The following VWA8 variants were observed in gnomAD, a reference collection of about 807,000 sequenced individuals.
VWA8 encodes the protein von Willebrand factor A domain containing 8.
In VWA8, 221 loss-of-function variants were observed where a neutral mutation model predicts 241.5. The observed-to-expected ratio is 0.91, with a 90% CI of 0.82 to 1.02. The LOEUF is 1.02. Among genes scored for constraint, VWA8 ranks in the 50% least tolerant of loss-of-function variants. The pLI is 0.00. For missense variants in VWA8, 2,322 were observed against 2,328.7 expected (o/e 1.00, Z 0.06); for synonymous variants, 852 against 827.1 (o/e 1.03, Z -0.52).
intron 40 of VWA8, among the ~76,000 whole-genome samples, chr13:41,600,331 C>T (rs2044513180): frequency 6.6e-6 from 1 of 152,136 alleles, no homozygotes; most frequent in South Asian, 2.1e-4. Flanking sequence ...TATTTCTAGG[C>T]TGCACCTGGA....
At chr13:41,819,493 T>A in intron 14 of VWA8, 107 bp from the exon 15 acceptor site, 1 of 1,151,402 alleles carries the variant, frequency 8.7e-7, no homozygotes, top group Non-Finnish European at 1.2e-6. Context: ...CTGTTAATAA[T>A]GTCAATGTTA....
At chr13:41,605,115 T>A (rs1296720916) in intron 40 of VWA8, 53 bp downstream of exon 40, 6 of 1,552,530 alleles carry the variant, frequency 3.9e-6, no homozygotes. Context: ...ACTTTAGGAA[T>A]GTGTCCAGGT....
chr13:41,883,312 G>T, intron 9 of VWA8, 75 bp downstream of exon 9: 1 of 1,164,324 alleles, frequency 8.6e-7, no homozygotes, highest in Admixed American at 1.8e-5. Context: ...GGGGAAAGGA[G>T]TGAGGGGAAG....
At chr13:41,722,139 TAG>T (rs2045398068) in intron 24 of VWA8, among the ~76,000 whole-genome samples, 1 of 152,180 alleles carries the variant, frequency 6.6e-6, no homozygotes, top group South Asian at 2.1e-4. Flanking sequence ...AAGGGAGAAT[TAG>T]TAGCATCACT....
chr13:41,665,203 G>A (rs951100072), intron 37 of VWA8, among the ~76,000 whole-genome samples: 17 of 151,970 alleles, frequency 1.1e-4, no homozygotes, highest in East Asian at 1.9e-4. Context: ...GAAGAATTCC[G>A]TAGCCCAATA....
At chr13:41,627,659 C>A (rs2139672143) in intron 37 of VWA8, among the ~76,000 whole-genome samples, 1 of 152,230 alleles carries the variant, frequency 6.6e-6, no homozygotes, top group South Asian at 2.1e-4. Flanking sequence ...ACAGTGCACC[C>A]ACTGGAACCA....
At chr13:41,855,024 A>C (rs902352922) in intron 12 of VWA8, among the ~76,000 whole-genome samples, 1 of 152,186 alleles carries the variant, frequency 6.6e-6, no homozygotes, top group Non-Finnish European at 1.5e-5. Context: ...CCAGATAAAA[A>C]AGAGCACTGT....
intron 2 of VWA8, chr13:41,927,150 A>G (rs1172936097): frequency 6.9e-6 from 3 of 432,820 alleles, no homozygotes; most frequent in Non-Finnish European, 1.4e-5. Context: ...ACAGGTGATG[A>G]TGAGGCCATT....
chr13:41,615,097 A>T lies in VWA8; in HGVS notation c.4612-13T>A. 1 of 1,612,658 alleles carries T rather than the reference A, an allele frequency of 6.2e-7. No individual in the cohort carries two copies. Among genetic ancestry groups the T allele is most frequent in the East Asian group, 2.2e-5 (1 of 44,790 alleles). ...TGTTGATTGTTATCTAAAAATGAAC[A>T]ATTGAGACATTTTTACTATCCTGTG... On this transcript the variant is annotated splice_polypyrimidine_tract_variant and intron_variant, in intron 37 of 44. Transcript: ENST00000379310.
intron 35 of VWA8, among the ~76,000 whole-genome samples, chr13:41,681,140 C>T (rs1425901053): frequency 6.6e-6 from 1 of 152,204 alleles, no homozygotes; most frequent in Non-Finnish European, 1.5e-5. Flanking sequence ...CTCTCGGCTG[C>T]TCTCAGCAGG....
chr13:41,887,052 G>T, intron 6 of VWA8, 145 bp downstream of exon 6: 1 of 1,084,586 alleles, frequency 9.2e-7, no homozygotes, highest in Non-Finnish European at 1.3e-6. Context: ...AGTTTCCAGA[G>T]CTTTTCTTTA....
intron 37 of VWA8, among the ~76,000 whole-genome samples, chr13:41,653,183 T>C (rs1210735060): frequency 6.6e-6 from 1 of 152,178 alleles, no homozygotes; most frequent in African/African-American, 2.4e-5. Flanking sequence ...AATGGATGTT[T>C]TCCTTAGGGC....
intron 9 of VWA8, among the ~76,000 whole-genome samples, chr13:41,882,621 G>T (rs1874294349): frequency 6.6e-6 from 1 of 152,232 alleles, no homozygotes; most frequent in Non-Finnish European, 1.5e-5. Flanking sequence ...GGCCAACACA[G>T]CGAAACCCCG....
intron 16 of VWA8, among the ~76,000 whole-genome samples, chr13:41,811,909 T>C (rs1483880229): frequency 2.0e-5 from 3 of 152,174 alleles, no homozygotes; most frequent in Non-Finnish European, 2.9e-5. Flanking sequence ...ACGAATAGAG[T>C]TGCTAGTACA....
In VWA8 at chr13:41,866,076, G is replaced by A. The variant is rs898256722; in HGVS notation, c.1213-40C>T. The A allele has an allele frequency of 1.9e-6, 3 of 1,603,408 alleles. No individual in the cohort carries two copies. The African/African-American group carries it at 4.0e-5, about 21-fold the overall frequency. On this transcript the variant is annotated intron_variant, in intron 10 of 44. Coordinates refer to ENST00000379310, the MANE Select transcript of VWA8 (RefSeq NM_015058.2). ...AGGTCAATATAACATGGCCAGATGT[G>A]GTGGCTCACGCCTATAATCCCAACA...
chr13:41,870,405 G>C (rs1873535659), intron 9 of VWA8, among the ~76,000 whole-genome samples: 1 of 152,184 alleles, frequency 6.6e-6, no homozygotes, highest in Non-Finnish European at 1.5e-5. Context: ...TTGGGAGGCA[G>C]AGATGGGTGG....
intron 10 of VWA8, among the ~76,000 whole-genome samples, chr13:41,867,003 C>A (rs193119583): frequency 1.3e-5 from 2 of 152,078 alleles, no homozygotes; most frequent in Non-Finnish European, 2.9e-5. Context: ...ATATACCACA[C>A]GAACCAAAGA....
intron 1 of VWA8, among the ~76,000 whole-genome samples, chr13:41,950,430 G>A (rs533237960): frequency 1.0e-3 from 153 of 151,874 alleles, no homozygotes; most frequent in Non-Finnish European, 1.7e-3. Context: ...GTGCAGTGGT[G>A]CAAGCTCAGC....
chr13:41,846,186 C>T (rs1181263641), intron 12 of VWA8, among the ~76,000 whole-genome samples: 2 of 151,970 alleles, frequency 1.3e-5, no homozygotes, highest in East Asian at 1.9e-4. Context: ...CAGGTGTGTG[C>T]CACTGTGCTC....
Sources: allele counts gnomAD v4.1 joint callset (sites outside exome capture counted in the v4.1 genomes callset), GRCh38; gene constraint gnomAD v4.1.1; transcripts MANE v1.5; gene names NCBI Gene and HGNC (gene_info 2026-07-23, HGNC 2026-07-21).